Variants in IGSF10 observed in about 807,000 individuals in gnomAD.
The protein encoded by IGSF10 is immunoglobulin superfamily member 10, also known as calvaria mechanical force protein 608.
In IGSF10, 126 loss-of-function variants were observed where a neutral mutation model predicts 128.2. The ratio of observed to expected loss-of-function variants is 0.98; its 90% CI spans 0.85 to 1.14. IGSF10 has a LOEUF of 1.14. Ranked by LOEUF, IGSF10 falls within the 50% of genes most tolerant of loss-of-function variation. The probability of loss-of-function intolerance (pLI) is 0.00; values close to 1 mark genes in which losing one functional copy is unlikely to be tolerated. For synonymous variants in IGSF10, 1,185 were observed against 1,146.2 expected (o/e 1.03, Z -0.68); for missense variants, 3,295 against 3,149.8 (o/e 1.05, Z -1.10).
the IGSF10 span, among the ~76,000 whole-genome samples, chr3:151,467,878 T>A: frequency 1.4e-5 from 2 of 141,040 alleles, no homozygotes; most frequent in Non-Finnish European, 3.0e-5. Flanking sequence ...CGAGACTCCA[T>A]CTCAAAAAAA....
chr3:151,595,481 G>A, the IGSF10 span, among the ~76,000 whole-genome samples: 2 of 148,990 alleles, frequency 1.3e-5, no homozygotes, highest in Non-Finnish European at 3.0e-5. Flanking sequence ...ATAATATAGT[G>A]TTATATAATA....
At chr3:151,509,507 T>C in the IGSF10 span, among the ~76,000 whole-genome samples, 1 of 152,174 alleles carries the variant, frequency 6.6e-6, no homozygotes, top group Non-Finnish European at 1.5e-5. Context: ...AGAGCCAAGA[T>C]GGCTAAATAG....
the IGSF10 span, among the ~76,000 whole-genome samples, chr3:151,599,755 T>A: frequency 6.6e-6 from 1 of 152,248 alleles, no homozygotes; most frequent in Admixed American, 6.5e-5. Flanking sequence ...TATTTGTATT[T>A]TTTTTAAATA....
rs991608992 is a variant in IGSF10, at chr3:151,437,576, C to T, written c.6985G>A (p.Glu2329Lys). ...GGESVLVVQL[E>K]VLEMLRRPTF... ...GGTCTTCTCAGCATTTCCAGTACTTCTAACTGTACTACCAACACGCTCTCT... is the reference window on the plus strand; with the variant it reads ...GGTCTTCTCAGCATTTCCAGTACTTTTAACTGTACTACCAACACGCTCTCT... Residue 2329 changes from glutamate (E) to lysine (K), a missense_variant, in exon 8 of 8, where the codon GAA (glutamate) becomes AAA (lysine). By Grantham distance (56) the Glu-to-Lys change is moderately conservative (BLOSUM62 1). Transcript: ENST00000282466. The T allele has an allele frequency of 5.0e-6, 8 of 1,614,092 alleles. No individual in the cohort carries two copies. In the South Asian group the frequency reaches 7.7e-5, roughly 16 times the overall value.
chr3:151,504,692 C>T, the IGSF10 span, among the ~76,000 whole-genome samples: 1 of 152,192 alleles, frequency 6.6e-6, no homozygotes, highest in Admixed American at 6.5e-5. Context: ...TTTCTCTGCA[C>T]ATCATGAACT....
At chr3:151,490,062 A>ATT in the IGSF10 span, among the ~76,000 whole-genome samples, 1 of 152,188 alleles carries the variant, frequency 6.6e-6, no homozygotes, top group Non-Finnish European at 1.5e-5. Context: ...AATAACCTTT[A>ATT]ATTTAAACAT....
chr3:151,608,650 A>G, the IGSF10 span, among the ~76,000 whole-genome samples: 22 of 152,230 alleles, frequency 1.4e-4, no homozygotes, highest in South Asian at 2.1e-4. Context: ...TTGTTTGTCT[A>G]TTGACCTAAA....
intron 5 of IGSF10, 79 bp downstream of exon 5, chr3:151,453,305 G>C: frequency 9.1e-7 from 1 of 1,100,652 alleles, no homozygotes; most frequent in Non-Finnish European, 1.3e-6. Flanking sequence ...ATTACCCTGG[G>C]CTCTCCACTT....
the IGSF10 span, among the ~76,000 whole-genome samples, chr3:151,564,206 A>C: frequency 6.6e-6 from 1 of 152,200 alleles, no homozygotes; most frequent in Non-Finnish European, 1.5e-5. Context: ...TAAACAATGT[A>C]TTAAATACAT....
chr3:151,445,097 T>G lies in IGSF10; in HGVS notation c.4884A>C (p.Glu1628Asp), dbSNP rs1248622311. The G allele has an allele frequency of 6.2e-7, 1 of 1,614,086 alleles. No individual in the cohort carries two copies. Among genetic ancestry groups the G allele is most frequent in the Non-Finnish European group, 8.5e-7 (1 of 1,180,030 alleles). ...KSDFDKKPVQ[E>D]ATTSKLLPFD... ...AGGGAAGGAGTTTGGAAGTTGTTGC[T>G]TCTTGAACTGGTTTCTTATCAAAGT... Residue 1628 changes from glutamate (E) to aspartate (D), a missense_variant, in exon 6 of 8, where the codon GAA (glutamate) becomes GAC (aspartate). Coordinates refer to ENST00000282466, the MANE Select transcript of IGSF10 (RefSeq NM_178822.5).
chr3:151,601,365 T>C, the IGSF10 span, among the ~76,000 whole-genome samples: 363 of 152,226 alleles, frequency 2.4e-3, 1 homozygote, highest in African/African-American at 7.7e-3. Context: ...TGCAGAACAA[T>C]TGAAAATTAT....
At chr3:151,453,311 C>T in intron 5 of IGSF10, 73 bp downstream of exon 5, 1 of 1,213,388 alleles carries the variant, frequency 8.2e-7, no homozygotes, top group Non-Finnish European at 1.1e-6. Flanking sequence ...CTGGGCTCTC[C>T]ACTTCCTAAT....
At chr3:151,536,376 G>A in the IGSF10 span, among the ~76,000 whole-genome samples, 1 of 152,282 alleles carries the variant, frequency 6.6e-6, no homozygotes, top group East Asian at 1.9e-4. Flanking sequence ...TCTTTCCCAT[G>A]TAGAGTTTAT....
the IGSF10 span, among the ~76,000 whole-genome samples, chr3:151,512,132 A>G: frequency 6.6e-6 from 1 of 152,214 alleles, no homozygotes; most frequent in East Asian, 1.9e-4. Context: ...CATCTACAGA[A>G]CTCTCCACCC....
chr3:151,470,172 T>C, the IGSF10 span, among the ~76,000 whole-genome samples: 1 of 152,174 alleles, frequency 6.6e-6, no homozygotes, highest in Non-Finnish European at 1.5e-5. Context: ...TCTACTCTCA[T>C]TCAGTACATA....
At chr3:151,482,880 G>A in the IGSF10 span, among the ~76,000 whole-genome samples, 2 of 149,332 alleles carry the variant, frequency 1.3e-5, no homozygotes, top group African/African-American at 5.0e-5. Context: ...AGGAGAGAAT[G>A]GGATGATACA....
the IGSF10 span, among the ~76,000 whole-genome samples, chr3:151,484,512 C>G: frequency 3.3e-5 from 5 of 152,120 alleles, no homozygotes; most frequent in African/African-American, 4.8e-5. Context: ...TGGGAGACAC[C>G]TCCCAGTAGG....
the IGSF10 span, among the ~76,000 whole-genome samples, chr3:151,469,694 G>C: frequency 6.6e-6 from 1 of 152,104 alleles, no homozygotes; most frequent in Non-Finnish European, 1.5e-5. Flanking sequence ...AGTCCAAATA[G>C]ATCATCCTAA....
At chr3:151,435,194 G>A (rs1381950247), downstream of IGSF10, 3 of 115,762 alleles carry the variant, frequency 2.6e-5, no homozygotes, top group African/African-American at 7.0e-5. Context: ...AAGATGGAGC[G>A]AGACCCCAGC....
Sources: gnomAD v4.1 joint callset for allele counts (sites outside exome capture counted in the v4.1 genomes callset) on GRCh38, gnomAD v4.1.1 for gene constraint, MANE v1.5 for transcripts, NCBI Gene and HGNC (gene_info 2026-07-23, HGNC 2026-07-21) for gene names.